The following SAFB2 variants were observed in gnomAD, a reference collection of about 807,000 sequenced individuals.
SAFB2 encodes scaffold attachment factor B2.
A neutral mutation model predicts 100.6 loss-of-function variants in SAFB2; 32 were observed. That is an observed-to-expected ratio of 0.32 (90% CI 0.24 to 0.43). The LOEUF (loss-of-function observed/expected upper bound fraction) is 0.43. Ranked by LOEUF, SAFB2 falls within the 20% of genes least tolerant of loss-of-function variation. SAFB2 has a pLI of 1.00. For synonymous variants in SAFB2, 500 were observed against 439.4 expected (o/e 1.14, Z -1.72); for missense variants, 1,185 against 1,163.4 (o/e 1.02, Z -0.27).
At chr19:5,614,541 G>A (rs2052980958) in intron 4 of SAFB2, among the ~76,000 whole-genome samples, 1 of 152,168 alleles carries the variant, frequency 6.6e-6, no homozygotes, top group African/African-American at 2.4e-5. Flanking sequence ...TGCTGCCCTA[G>A]GTCAAAGGAT....
At chr19:5,589,280 A>G (rs1459858192) in intron 18 of SAFB2, among the ~76,000 whole-genome samples, 2 of 152,224 alleles carry the variant, frequency 1.3e-5, no homozygotes, top group Non-Finnish European at 2.9e-5. Flanking sequence ...GAAGTCTCAC[A>G]GGAGAGAACA....
intron 1 of SAFB2, among the ~76,000 whole-genome samples, chr19:5,622,163 A>G (rs139966075): frequency 1.1e-3 from 175 of 152,332 alleles, no homozygotes; most frequent in Admixed American, 3.2e-3. Flanking sequence ...GGAGTCCGCC[A>G]GACACCCATT....
Position 5,588,026 on chromosome 19 carries a change from G to A in SAFB2, c.2526-46C>T, listed in dbSNP as rs111385893. ...ATGCAGCCATCTAATGAGCCTCCAG[G>A]GTTGTGTCGGCAGCAGGCGCACCCA... is the stretch of plus-strand genomic sequence containing the variant. On this transcript the variant is annotated intron_variant, in intron 18 of 20. Coordinates refer to ENST00000252542, the MANE Select transcript of SAFB2 (RefSeq NM_014649.3). 124 of 1,543,390 alleles carry A rather than the reference G, an allele frequency of 8.0e-5. No homozygotes were observed. The African/African-American group carries it at 1.4e-3, about 17-fold the overall frequency.
chr19:5,604,504 C>T (rs544152786), intron 11 of SAFB2, 79 bp downstream of exon 11: 19 of 1,002,230 alleles, frequency 1.9e-5, no homozygotes, highest in Admixed American at 4.0e-5. Context: ...GGGACAGATG[C>T]GTGTTTTTCA....
Position 5,604,690 on chromosome 19 carries a change from T to C in SAFB2, c.1452A>G (p.Lys484=), listed in dbSNP as rs1156990054. 2 of 1,614,214 alleles carry C rather than the reference T, an allele frequency of 1.2e-6. No homozygotes were observed. Among genetic ancestry groups the C allele is most frequent in the Non-Finnish European group, 1.7e-6 (2 of 1,180,032 alleles). ...HGRMISVEKA[K]NEPAGKKLSD... ...AAAGCTTTTTCCCAGCAGGCTCATT[T>C]TTGGCCTAAAATATAATAGACAGAA... Residue 484 remains lysine, a synonymous_variant, in exon 11 of 21, where the codon AAA becomes AAG. Transcript: ENST00000252542.
At position 5,611,542 on chromosome 19, in the gene SAFB2, T is replaced by G; in HGVS notation, c.723A>C (p.Ala241=). The change falls in exon 7 of 21, where the codon GCA becomes GCC. Residue 241 remains alanine (A), a synonymous_variant. Coordinates refer to ENST00000252542, the MANE Select transcript of SAFB2 (RefSeq NM_014649.3). ...EESSELEQPF[A]QDTSSVGPDR... ...CTGGCCCCACGCTACTTGTGTCCTG[T>G]GCAAATGGCTGCTCCAGCTCGGAAC... 1 of 471,810 alleles carries G rather than the reference T, an allele frequency of 2.1e-6. No individual in the cohort carries two copies. 29.2% of individuals were successfully genotyped at this position (471,810 alleles called of 1,614,324 possible). A position where few individuals can be genotyped will look rare whatever the true frequency, so the allele number is the denominator to read the frequency against.
intron 11 of SAFB2, among the ~76,000 whole-genome samples, chr19:5,603,667 G>A (rs1361229097): frequency 6.6e-6 from 1 of 152,200 alleles, no homozygotes; most frequent in African/African-American, 2.4e-5. Context: ...AACTCACAGG[G>A]TGCCACCGTG....
At chr19:5,620,506 T>G (rs1170735871) in intron 2 of SAFB2, among the ~76,000 whole-genome samples, 2 of 152,244 alleles carry the variant, frequency 1.3e-5, no homozygotes, top group Admixed American at 1.3e-4. Flanking sequence ...TAAACAGGAA[T>G]GAAGTATCAA....
At position 5,622,513 on chromosome 19, in the gene SAFB2, GC is replaced by G; in HGVS notation, c.186+16del. ...CCCGGGCCTCCTGCGCCACCCCCGA[GC>G]CCCGCGCCGCCTCACCTTCTTGAGC... On this transcript the variant is annotated intron_variant, in intron 1 of 20. Coordinates refer to ENST00000252542, the MANE Select transcript of SAFB2 (RefSeq NM_014649.3). 2 of 1,585,160 alleles carry G rather than the reference GC, an allele frequency of 1.3e-6. No homozygotes were observed. The highest frequency in any genetic ancestry group is 8.6e-7 in the Non-Finnish European group (1 of 1,166,920).
chr19:5,613,903 T>C (rs1029541228), intron 4 of SAFB2, among the ~76,000 whole-genome samples: 23 of 152,206 alleles, frequency 1.5e-4, no homozygotes, highest in Admixed American at 1.4e-3. Context: ...GCAATACTCT[T>C]AAGGTAACAC....
At chr19:5,594,326 G>A (rs562469491) in intron 14 of SAFB2, 148 bp from the exon 15 acceptor site, 10 of 937,988 alleles carry the variant, frequency 1.1e-5, no homozygotes, top group African/African-American at 8.5e-5. Context: ...GCGTGCAGGG[G>A]GTTACCTTAC....
At chr19:5,595,598 A>G in intron 13 of SAFB2, 101 bp from the exon 14 acceptor site, 2 of 1,423,232 alleles carry the variant, frequency 1.4e-6, no homozygotes, top group East Asian at 4.7e-5. Flanking sequence ...CTCTGGCCCC[A>G]CATGGTGTAG....
chr19:5,590,485 T>G (rs146808508), intron 17 of SAFB2, 77 bp from the exon 18 acceptor site: 1 of 1,460,198 alleles, frequency 6.8e-7, no homozygotes, highest in Non-Finnish European at 9.2e-7. Flanking sequence ...GCCTGTCCAC[T>G]GCAGGCCCCA....
At chr19:5,598,926 C>G (rs1346863980) in intron 12 of SAFB2, 42 bp from the exon 13 acceptor site, 2 of 1,584,652 alleles carry the variant, frequency 1.3e-6, no homozygotes, top group Admixed American at 1.7e-5. Flanking sequence ...CCTGTGGACG[C>G]CCCAACTTCC....
intron 15 of SAFB2, among the ~76,000 whole-genome samples, chr19:5,593,308 G>A (rs916914059): frequency 6.6e-6 from 1 of 152,218 alleles, no homozygotes; most frequent in Non-Finnish European, 1.5e-5. Flanking sequence ...ATTAGATGGG[G>A]TGATAGTGAA....
chr19:5,603,149 C>A (rs1425603172), intron 11 of SAFB2, among the ~76,000 whole-genome samples: 1 of 151,998 alleles, frequency 6.6e-6, no homozygotes, highest in Non-Finnish European at 1.5e-5. Flanking sequence ...ACACCTGTAG[C>A]CCCAGCTACT....
intron 4 of SAFB2, 146 bp from the exon 5 acceptor site, chr19:5,613,673 A>T: frequency 6.9e-7 from 1 of 1,457,186 alleles, no homozygotes; most frequent in Non-Finnish European, 9.0e-7. Context: ...TCAGTTCAGC[A>T]CCTGCCTCTC....
At position 5,587,116 on chromosome 19, in the gene SAFB2, T is replaced by C. The variant is rs1422285071; in HGVS notation, c.*127A>G. On this transcript the variant is annotated 3_prime_UTR_variant, in exon 21 of 21. Transcript: ENST00000252542. The surrounding 1 kb of genome is among the most constrained non-coding windows in gnomAD (Gnocchi z 4.9). ...AAAAAAAAAAAAAGTGAGTTCACATTGTATTGAGCTACAACATGGTGGCAG... is the reference window on the plus strand; with the variant it reads ...AAAAAAAAAAAAAGTGAGTTCACATCGTATTGAGCTACAACATGGTGGCAG... 3 of 1,224,598 alleles carry C rather than the reference T, an allele frequency of 2.4e-6. No individual in the cohort carries two copies. In the South Asian group the frequency reaches 5.1e-5, roughly 21 times the overall value. 75.9% of individuals were successfully genotyped at this position (1,224,598 alleles called of 1,614,324 possible).
At chr19:5,621,116 G>A (rs1054522193) in intron 2 of SAFB2, among the ~76,000 whole-genome samples, 193 bp downstream of exon 2, 1 of 152,138 alleles carries the variant, frequency 6.6e-6, no homozygotes, top group African/African-American at 2.4e-5. Context: ...CTTGGCACCT[G>A]TACATCTCTT....
Sources: gnomAD v4.1 joint callset for allele counts (sites outside exome capture counted in the v4.1 genomes callset) on GRCh38, gnomAD v4.1.1 for gene constraint, Gnocchi (gnomAD v3.1) non-coding constraint, MANE v1.5 for transcripts, NCBI Gene and HGNC (gene_info 2026-07-23, HGNC 2026-07-21) for gene names.